SDK1: variants seen among roughly 807,000 people sequenced by gnomAD.
SDK1 encodes protein sidekick-1.
Under a neutral mutation model 245.5 loss-of-function variants are expected in SDK1, and 157 were observed. That is an observed-to-expected ratio of 0.64 (90% CI 0.56 to 0.73). The LOEUF is 0.73. Ranked by LOEUF, SDK1 falls within the 30% of genes least tolerant of loss-of-function variation. The pLI is 0.00. For missense variants in SDK1, 3,583 were observed against 3,002.3 expected, an observed-to-expected ratio of 1.19 and a Z score of -4.52; for synonymous variants, 1,647 against 1,278.5, an observed-to-expected ratio of 1.29 and a Z score of -6.15.
At chr7:3,973,139 C>T (rs1026377368) in intron 12 of SDK1, among the ~76,000 whole-genome samples, 4 of 152,170 alleles carry the variant, frequency 2.6e-5, no homozygotes, top group African/African-American at 9.7e-5. Flanking sequence ...GGGTGCCCCT[C>T]GTCCCAGGGT....
intron 1 of SDK1, among the ~76,000 whole-genome samples, chr7:3,533,334 T>C (rs17133520): frequency 0.25 from 38,407 of 151,966 alleles, 5,046 homozygotes; most frequent in East Asian, 0.34. Context: ...ATAAAAAGAC[T>C]CGCTGATAAA....
At chr7:3,713,101 T>G (rs1295747507) in intron 4 of SDK1, among the ~76,000 whole-genome samples, 1 of 152,198 alleles carries the variant, frequency 6.6e-6, no homozygotes, top group East Asian at 1.9e-4. Context: ...AAGCAGATCT[T>G]GCACAGCGGG....
chr7:3,731,803 A>G (rs988850175), intron 4 of SDK1, among the ~76,000 whole-genome samples: 3 of 151,962 alleles, frequency 2.0e-5, no homozygotes, highest in Non-Finnish European at 4.4e-5. Context: ...ATTTTATTTT[A>G]TTTTTTTGAG....
At chr7:3,638,508 A>G (rs970527969) in intron 2 of SDK1, among the ~76,000 whole-genome samples, 1 of 151,660 alleles carries the variant, frequency 6.6e-6, no homozygotes, top group African/African-American at 2.4e-5. Flanking sequence ...GCTGGAAACC[A>G]TCATTCTCAG....
At chr7:4,227,290 A>T in intron 40 of SDK1, 1 of 453,398 alleles carries the variant, frequency 2.2e-6, no homozygotes, top group Non-Finnish European at 4.6e-6. Context: ...TGTCTTTCTC[A>T]TAAGCGTGTT....
intron 5 of SDK1, among the ~76,000 whole-genome samples, chr7:3,945,876 G>C (rs1020636954): frequency 9.7e-6 from 1 of 103,462 alleles, no homozygotes; most frequent in East Asian, 3.4e-4. Flanking sequence ...TCCAGCCTGG[G>C]CAACAGAGCA....
At chr7:3,644,259 A>ATATATATG (rs1782749959) in intron 4 of SDK1, among the ~76,000 whole-genome samples, 1 of 150,526 alleles carries the variant, frequency 6.6e-6, no homozygotes, top group Non-Finnish European at 1.5e-5. Context: ...ATATATATAT[A>ATATATATG]TATATATGCA....
chr7:3,666,386 A>AT (rs1562642289), intron 4 of SDK1, among the ~76,000 whole-genome samples: 1 of 152,070 alleles, frequency 6.6e-6, no homozygotes, highest in Non-Finnish European at 1.5e-5. Context: ...GAATGCCATC[A>AT]CCATGCTGGA....
chr7:3,756,663 A>C (rs1472103760), intron 4 of SDK1, among the ~76,000 whole-genome samples: 1 of 151,628 alleles, frequency 6.6e-6, no homozygotes, highest in South Asian at 2.1e-4. Context: ...GCGTGTAGTC[A>C]TGTCTTCTTG....
rs540370356 is a variant in SDK1, at chr7:3,329,924, C to T, written c.298+28040C>T. 2.0e-5 allele frequency among the ~76,000 whole-genome samples: 3 copies of T among 152,272 alleles called. No homozygotes were observed. The East Asian group carries it at 5.8e-4, about 29-fold the overall frequency. ...TGAGAGGGTGTGCATAGCTTATATG[C>T]AAATACTATGCTGTTTTATATCAGC... On this transcript the variant is annotated intron_variant, in intron 1 of 44. Transcript: ENST00000404826.
intron 4 of SDK1, chr7:3,643,347 T>C (rs1261270131): frequency 2.0e-5 from 3 of 149,152 alleles, no homozygotes; most frequent in African/African-American, 7.5e-5. Context: ...ATCCTTTCCC[T>C]AAACCTGGTG....
chr7:3,578,204 T>C (rs927533314), intron 1 of SDK1, among the ~76,000 whole-genome samples: 6 of 151,980 alleles, frequency 3.9e-5, no homozygotes, highest in Admixed American at 6.6e-5. Flanking sequence ...ACATCACATA[T>C]CGGTAGGACC....
At chr7:3,757,954 A>C (rs937907606) in intron 4 of SDK1, among the ~76,000 whole-genome samples, 10 of 152,170 alleles carry the variant, frequency 6.6e-5, no homozygotes, top group Admixed American at 5.9e-4. Context: ...AAAGACTCCT[A>C]TAACCCTTAT....
At chr7:3,967,520 G>A in intron 10 of SDK1, 86 bp downstream of exon 10, 1 of 829,794 alleles carries the variant, frequency 1.2e-6, no homozygotes, top group Non-Finnish European at 2.1e-6. Context: ...TCACTCTCTT[G>A]TTTATTCACT....
intron 1 of SDK1, among the ~76,000 whole-genome samples, chr7:3,383,588 G>T (rs986544012): frequency 6.6e-6 from 1 of 152,162 alleles, no homozygotes; most frequent in African/African-American, 2.4e-5. Context: ...TTGAGGACCT[G>T]ATCTTAAACT....
intron 4 of SDK1, among the ~76,000 whole-genome samples, chr7:3,763,360 A>G (rs1780161077): frequency 6.6e-6 from 1 of 152,212 alleles, no homozygotes; most frequent in African/African-American, 2.4e-5. Context: ...ACATTTTCAT[A>G]CGTACAGAAA....
At chr7:4,207,280 C>A (rs1016769677) in intron 36 of SDK1, among the ~76,000 whole-genome samples, 6 of 152,224 alleles carry the variant, frequency 3.9e-5, no homozygotes, top group African/African-American at 1.4e-4. Context: ...AACAGCCTGG[C>A]CCTGGTTTAG....
At chr7:3,918,614 G>A (rs1779470891) in intron 5 of SDK1, among the ~76,000 whole-genome samples, 1 of 152,040 alleles carries the variant, frequency 6.6e-6, no homozygotes, top group African/African-American at 2.4e-5. Context: ...GAAATAAAGG[G>A]CACAATAAAT....
rs777515792 is a variant in SDK1 at position 4,149,217 on chromosome 7, G to C, written c.4424-45G>C. Reference sequence around the variant, plus strand: ...GCCTCCTGGGGATGTTCCTTGGGAAGGGCAGCCTCTCACATGTCCCTGGTC... The same window carrying C: ...GCCTCCTGGGGATGTTCCTTGGGAACGGCAGCCTCTCACATGTCCCTGGTC... On this transcript the variant is annotated intron_variant, in intron 29 of 44. Coordinates refer to ENST00000404826, the MANE Select transcript of SDK1 (RefSeq NM_152744.4). 1.3e-5 allele frequency: 18 copies of C among 1,428,542 alleles called. No individual in the cohort carries two copies. In the South Asian group the frequency reaches 2.5e-4, roughly 20 times the overall value. The allele number at this position is 1,428,542 out of a possible 1,614,324, so 88.5% of individuals were successfully genotyped here.
Sources: allele counts gnomAD v4.1 joint callset (sites outside exome capture counted in the v4.1 genomes callset), GRCh38; gene constraint gnomAD v4.1.1; transcripts MANE v1.5; gene names NCBI Gene and HGNC (gene_info 2026-07-23, HGNC 2026-07-21).